UBE4B: variants seen among roughly 807,000 people sequenced by gnomAD.
UBE4B encodes the protein ubiquitin conjugation factor E4 B.
UBE4B carries 27 observed loss-of-function variants against 148.1 expected under a neutral mutation model. The observed-to-expected ratio is 0.18, with a 90% CI of 0.13 to 0.25. UBE4B has a LOEUF of 0.25. UBE4B is among the 10% of genes least tolerant of loss of function. The pLI is 1.00. For missense variants in UBE4B, 1,170 were observed against 1,662.4 expected (o/e 0.70, Z 5.15); for synonymous variants, 596 against 619.3 (o/e 0.96, Z 0.56).
chr1:10,172,991 T>C (rs929768284), intron 25 of UBE4B, among the ~76,000 whole-genome samples: 1 of 152,206 alleles, frequency 6.6e-6, no homozygotes, highest in Non-Finnish European at 1.5e-5. Context: ...GGCTATACCA[T>C]AGAGCCTCGA....
intron 1 of UBE4B, among the ~76,000 whole-genome samples, chr1:10,069,791 C>G (rs141383181): frequency 6.6e-6 from 1 of 152,114 alleles, no homozygotes; most frequent in African/African-American, 2.4e-5. Flanking sequence ...GCCTCGGACT[C>G]CCCTCGGCCG....
chr1:10,162,588 G>C (rs558560237), intron 23 of UBE4B, among the ~76,000 whole-genome samples: 4 of 150,922 alleles, frequency 2.7e-5, no homozygotes, highest in African/African-American at 9.8e-5. Flanking sequence ...GACTACAGGC[G>C]TGAGTCACCG....
At chr1:10,149,788 C>T (rs978825300) in intron 20 of UBE4B, among the ~76,000 whole-genome samples, 16 of 151,972 alleles carry the variant, frequency 1.1e-4, no homozygotes, top group African/African-American at 3.6e-4. Context: ...AGAAGAATTA[C>T]AATTTCAATC....
At chr1:10,157,762 C>T (rs986212191) in intron 21 of UBE4B, among the ~76,000 whole-genome samples, 3 of 151,914 alleles carry the variant, frequency 2.0e-5, no homozygotes, top group African/African-American at 4.8e-5. Flanking sequence ...GGCGACAGAG[C>T]GGGACTCTGT....
intron 25 of UBE4B, among the ~76,000 whole-genome samples, chr1:10,175,375 GGT>G (rs1646401993): frequency 1.3e-5 from 2 of 152,238 alleles, no homozygotes; most frequent in Non-Finnish European, 1.5e-5. Context: ...AAAATAGCCG[GGT>G]GCAGTGGCTC....
At chr1:10,116,209 C>G (rs550815085) in intron 7 of UBE4B, among the ~76,000 whole-genome samples, 1 of 152,252 alleles carries the variant, frequency 6.6e-6, no homozygotes, top group South Asian at 2.1e-4. Context: ...GTGGCATGAT[C>G]TCGGATCACT....
At chr1:10,178,491 C>T (rs933588326) in intron 25 of UBE4B, among the ~76,000 whole-genome samples, 153 bp from the exon 26 acceptor site, 9 of 151,834 alleles carry the variant, frequency 5.9e-5, no homozygotes, top group African/African-American at 1.9e-4. Flanking sequence ...TGCATAAAGA[C>T]GGATATATAA....
chr1:10,177,008 C>T (rs1258342799), intron 25 of UBE4B, among the ~76,000 whole-genome samples: 2 of 150,418 alleles, frequency 1.3e-5, no homozygotes, highest in African/African-American at 4.8e-5. Context: ...AGGATGGTCT[C>T]GATCTCCTGA....
At chr1:10,056,718 G>A (rs897477770) in intron 1 of UBE4B, among the ~76,000 whole-genome samples, 15 of 152,238 alleles carry the variant, frequency 9.9e-5, no homozygotes, top group African/African-American at 3.6e-4. Context: ...GCCAGCGCTA[G>A]CTACGCGATT....
intron 16 of UBE4B, among the ~76,000 whole-genome samples, chr1:10,136,482 T>TG (rs1487520079): frequency 8.1e-6 from 1 of 123,876 alleles, no homozygotes. Flanking sequence ...AAGACCCTCT[T>TG]AAAAAAAAAA....
chr1:10,113,710 G>A (rs559577149), intron 7 of UBE4B, among the ~76,000 whole-genome samples: 3 of 152,276 alleles, frequency 2.0e-5, no homozygotes, highest in South Asian at 2.1e-4. Context: ...CTCACATGCT[G>A]GCTGGGGGTG....
intron 1 of UBE4B, among the ~76,000 whole-genome samples, chr1:10,036,572 C>T (rs974916279): frequency 6.6e-6 from 1 of 151,634 alleles, no homozygotes; most frequent in Non-Finnish European, 1.5e-5. Flanking sequence ...TGACCTCAAG[C>T]GATCCTCCCA....
chr1:10,116,618 A>G (rs1465386161), intron 7 of UBE4B, among the ~76,000 whole-genome samples: 106 of 152,152 alleles, frequency 7.0e-4, no homozygotes, highest in Non-Finnish European at 2.4e-4. Flanking sequence ...TGGCCTGTCA[A>G]TGGTTGATTT....
chr1:10,111,164 C>G (rs1253402254), intron 7 of UBE4B, among the ~76,000 whole-genome samples: 2 of 151,202 alleles, frequency 1.3e-5, no homozygotes, highest in East Asian at 3.9e-4. Context: ...AATCCAAAGC[C>G]TCTGACCATG....
At chr1:10,034,225 C>G (rs916419556) in intron 1 of UBE4B, among the ~76,000 whole-genome samples, 1 of 152,146 alleles carries the variant, frequency 6.6e-6, no homozygotes, top group Admixed American at 6.5e-5. Flanking sequence ...TGTATCTTCT[C>G]CACAGTTTAG....
chr1:10,099,574 T>C (rs897457266), intron 3 of UBE4B, among the ~76,000 whole-genome samples: 1 of 152,082 alleles, frequency 6.6e-6, no homozygotes, highest in Non-Finnish European at 1.5e-5. Flanking sequence ...GTGAAAAAAA[T>C]TTTGGTCAAA....
intron 1 of UBE4B, among the ~76,000 whole-genome samples, chr1:10,043,777 G>A (rs1192880312): frequency 6.6e-6 from 1 of 152,298 alleles, no homozygotes; most frequent in African/African-American, 2.4e-5. Flanking sequence ...CCAGGTGGCA[G>A]TTGTGACATA....
chr1:10,101,826 A>G (rs1645017583), intron 4 of UBE4B, among the ~76,000 whole-genome samples: 1 of 152,162 alleles, frequency 6.6e-6, no homozygotes, highest in South Asian at 2.1e-4. Context: ...GCTTTTAAGC[A>G]AGTAGATCAT....
Position 10,106,141 on chromosome 1 carries a change from ATCTCAAGTTTT to A in UBE4B, c.810-52_810-42del. The A allele has an allele frequency of 6.6e-7, 1 of 1,510,292 alleles. No homozygotes were observed. Among genetic ancestry groups the A allele is most frequent in the Non-Finnish European group, 8.9e-7 (1 of 1,126,764 alleles). The allele number at this position is 1,510,292 out of a possible 1,614,324, so 93.6% of individuals were successfully genotyped here. Reference sequence around the variant, plus strand: ...TTGATATTTTCTGTTTTAGTTAGTTATCTCAAGTTTTTCTTTGATTTTTCTCTTCTTTCCTC... The same window carrying A: ...TTGATATTTTCTGTTTTAGTTAGTTATCTTTGATTTTTCTCTTCTTTCCTC... On this transcript the variant is annotated intron_variant, in intron 6 of 27. Transcript: ENST00000343090. The surrounding 1 kb of genome is among the most constrained non-coding windows in gnomAD (Gnocchi z 4.2).
Sources: gnomAD v4.1 joint callset for allele counts (sites outside exome capture counted in the v4.1 genomes callset) on GRCh38, gnomAD v4.1.1 for gene constraint, Gnocchi (gnomAD v3.1) non-coding constraint, MANE v1.5 for transcripts, NCBI Gene and HGNC (gene_info 2026-07-23, HGNC 2026-07-21) for gene names.